CIMIP6: variants seen among roughly 807,000 people sequenced by gnomAD.
CIMIP6 encodes the protein ciliary microtubule inner protein 6.
At chr2:54,347,663 C>A in the CIMIP6 span, among the ~76,000 whole-genome samples, 2 of 152,210 alleles carry the variant, frequency 1.3e-5, no homozygotes, top group Admixed American at 1.3e-4. Context: ...AAATCAGGGT[C>A]TGTAGATCTA....
At chr2:54,377,562 C>T in the CIMIP6 span, among the ~76,000 whole-genome samples, 3 of 152,260 alleles carry the variant, frequency 2.0e-5, no homozygotes, top group Admixed American at 6.5e-5. Flanking sequence ...CAATACAAGT[C>T]GGCTCCAGCA....
the CIMIP6 span, among the ~76,000 whole-genome samples, chr2:54,345,895 A>C: frequency 3.3e-5 from 5 of 152,214 alleles, no homozygotes; most frequent in African/African-American, 1.2e-4. Context: ...AAAATAAGTC[A>C]CCATCTAAGA....
At chr2:54,349,492 C>A in the CIMIP6 span, among the ~76,000 whole-genome samples, 58 of 152,280 alleles carry the variant, frequency 3.8e-4, no homozygotes, top group African/African-American at 1.3e-3. Context: ...TTAGAAAATT[C>A]TAATTTTAAT....
chr2:54,338,264 C>T, the CIMIP6 span, among the ~76,000 whole-genome samples: 15 of 151,696 alleles, frequency 9.9e-5, no homozygotes, highest in South Asian at 2.7e-3. Context: ...TGAGACCGAG[C>T]GCTACAAAAA....
chr2:54,380,768 C>T, the CIMIP6 span, among the ~76,000 whole-genome samples: 5 of 152,200 alleles, frequency 3.3e-5, no homozygotes, highest in East Asian at 1.9e-4. Context: ...CATACACATA[C>T]GCATGATTAC....
At chr2:54,356,093 T>C in the CIMIP6 span, among the ~76,000 whole-genome samples, 1 of 150,362 alleles carries the variant, frequency 6.7e-6, no homozygotes, top group Non-Finnish European at 1.5e-5. Flanking sequence ...ACTGTCACTC[T>C]ACTAGGCTGG....
At chr2:54,360,168 C>A in the CIMIP6 span, 1 of 1,501,028 alleles carries the variant, frequency 6.7e-7, no homozygotes, top group South Asian at 1.4e-5. Flanking sequence ...AATCTGCGTT[C>A]TCCTGGTTAA....
chr2:54,367,090 T>C, the CIMIP6 span, among the ~76,000 whole-genome samples: 3 of 152,134 alleles, frequency 2.0e-5, no homozygotes, highest in Non-Finnish European at 4.4e-5. Context: ...TTAATCACTG[T>C]GCTTCATCAT....
At chr2:54,371,138 G>T in the CIMIP6 span, among the ~76,000 whole-genome samples, 8 of 152,200 alleles carry the variant, frequency 5.3e-5, no homozygotes, top group African/African-American at 1.9e-4. Flanking sequence ...TTTTCTCACA[G>T]ATGTGTCCAT....
At chr2:54,341,049 G>A in the CIMIP6 span, among the ~76,000 whole-genome samples, 2 of 152,180 alleles carry the variant, frequency 1.3e-5, no homozygotes, top group Middle Eastern at 3.2e-3. Flanking sequence ...CATTTTTCCA[G>A]TAACTTGAGT....
the CIMIP6 span, chr2:54,383,505 A>C: frequency 6.6e-6 from 1 of 152,180 alleles, no homozygotes; most frequent in South Asian, 2.1e-4. Flanking sequence ...AGGACCTCTG[A>C]GTCATTTGGA....
the CIMIP6 span, chr2:54,361,605 TG>T: frequency 6.6e-6 from 1 of 152,202 alleles, no homozygotes; most frequent in Non-Finnish European, 1.5e-5. Context: ...TATATTTTTT[TG>T]TGTTGGGGAC....
the CIMIP6 span, chr2:54,360,502 A>G: frequency 6.4e-7 from 1 of 1,565,102 alleles, no homozygotes; most frequent in Non-Finnish European, 8.7e-7. Context: ...AAACAACTGT[A>G]GGAGATGCTC....
the CIMIP6 span, chr2:54,331,023 C>G: frequency 6.2e-7 from 1 of 1,613,272 alleles, no homozygotes; most frequent in Non-Finnish European, 8.5e-7. Flanking sequence ...GGTTTGGTGT[C>G]TTATTTCCCT....
chr2:54,378,037 T>C, the CIMIP6 span, among the ~76,000 whole-genome samples: 2 of 152,158 alleles, frequency 1.3e-5, no homozygotes, highest in Admixed American at 1.3e-4. Context: ...CCCCCGTTAA[T>C]TGGTGGGAGC....
chr2:54,362,838 T>A, the CIMIP6 span, among the ~76,000 whole-genome samples: 1 of 152,198 alleles, frequency 6.6e-6, no homozygotes, highest in Admixed American at 6.5e-5. Context: ...TGAGCCACTG[T>A]GCATGGCTCT....
chr2:54,356,436 A>G, the CIMIP6 span, among the ~76,000 whole-genome samples: 2 of 152,080 alleles, frequency 1.3e-5, no homozygotes, highest in African/African-American at 2.4e-5. Context: ...CTCTCCCACA[A>G]CTTATTCTTC....
At chr2:54,367,620 G>A in the CIMIP6 span, among the ~76,000 whole-genome samples, 1 of 152,168 alleles carries the variant, frequency 6.6e-6, no homozygotes, top group Admixed American at 6.5e-5. Flanking sequence ...ATGGCCCTAG[G>A]AAAGGGTATG....
the CIMIP6 span, among the ~76,000 whole-genome samples, chr2:54,331,571 A>G: frequency 2.6e-5 from 4 of 152,218 alleles, no homozygotes; most frequent in East Asian, 1.9e-4. Context: ...TCCCTCTGAC[A>G]GGACTCTGCT....
Sources: gnomAD v4.1 joint callset for allele counts (sites outside exome capture counted in the v4.1 genomes callset) on GRCh38, gnomAD v4.1.1 for gene constraint, MANE v1.5 for transcripts, NCBI Gene and HGNC (gene_info 2026-07-23, HGNC 2026-07-21) for gene names.